The following WWP2 variants were observed in gnomAD, a reference collection of about 807,000 sequenced individuals.
The protein encoded by WWP2 is NEDD4-like E3 ubiquitin-protein ligase WWP2.
In WWP2, 57 loss-of-function variants were observed where a neutral mutation model predicts 121.0. That is an observed-to-expected ratio of 0.47 (90% CI 0.38 to 0.59). The LOEUF (loss-of-function observed/expected upper bound fraction) is 0.59. WWP2 is among the 20% of genes least tolerant of loss of function. The probability of loss-of-function intolerance (pLI) is 0.00; values close to 1 mark genes in which losing one functional copy is unlikely to be tolerated. For missense variants in WWP2, 962 were observed against 1,158.9 expected (o/e 0.83, Z 2.47); for synonymous variants, 449 against 441.3 (o/e 1.02, Z -0.22).
At chr16:69,826,417 A>G (rs2056690914) in intron 4 of WWP2, among the ~76,000 whole-genome samples, 1 of 143,158 alleles carries the variant, frequency 7.0e-6, no homozygotes, top group Non-Finnish European at 1.5e-5. Context: ...AATACACACA[A>G]AAAAATTAGC....
At chr16:69,917,069 C>T (rs2058489405) in intron 9 of WWP2, among the ~76,000 whole-genome samples, 1 of 152,200 alleles carries the variant, frequency 6.6e-6, no homozygotes, top group Admixed American at 6.5e-5. Context: ...CATGTTTACA[C>T]TGGCACCTTA....
chr16:69,874,097 T>C (rs971560038), intron 7 of WWP2, among the ~76,000 whole-genome samples: 1 of 152,202 alleles, frequency 6.6e-6, no homozygotes, highest in East Asian at 1.9e-4. Context: ...GATCCATCTC[T>C]GAAGGGCAGT....
chr16:69,771,149 G>C (rs1462203356), intron 1 of WWP2, among the ~76,000 whole-genome samples: 2 of 152,252 alleles, frequency 1.3e-5, no homozygotes, highest in East Asian at 1.9e-4. Flanking sequence ...TGTTGCTGAG[G>C]TAGGGTGATA....
intron 7 of WWP2, among the ~76,000 whole-genome samples, chr16:69,885,080 C>T (rs1170340584): frequency 1.3e-5 from 2 of 148,738 alleles, no homozygotes; most frequent in Non-Finnish European, 3.0e-5. Context: ...CACACACACA[C>T]CACTCTTTTA....
At chr16:69,821,724 CTTTTTTTTT>C (rs557543615) in intron 4 of WWP2, among the ~76,000 whole-genome samples, 1 of 130,796 alleles carries the variant, frequency 7.6e-6, no homozygotes, top group South Asian at 2.4e-4. Context: ...TTCTTTCTTA[CTTTTTTTTT>C]TTTTTTTTTG....
Position 69,939,888 on chromosome 16 carries a change from G to T in WWP2, c.2561G>T (p.Arg854Ile). 6.2e-7 allele frequency: 1 copy of T among 1,614,020 alleles called. No individual in the cohort carries two copies. Among genetic ancestry groups the T allele is most frequent in the Non-Finnish European group, 8.5e-7 (1 of 1,179,940 alleles). ...LPPYKSYEQL[R>I]EKLLYAIEET... ...CCCTACAAGAGCTACGAACAGCTGA[G>T]AGAGAAGCTGCTGTATGCCATTGAG... Residue 854 changes from arginine to isoleucine, a missense_variant, in exon 24 of 24, where the codon AGA (arginine) becomes ATA (isoleucine). Physicochemically the swap from Arg to Ile is moderately conservative, Grantham distance 97. Coordinates refer to ENST00000359154, the MANE Select transcript of WWP2 (RefSeq NM_001270454.2).
chr16:69,925,207 G>A lies in WWP2; in HGVS notation c.1180-223G>A. The A allele has an allele frequency of 1.4e-6, 2 of 1,383,520 alleles. No homozygotes were observed. The highest frequency in any genetic ancestry group is 2.1e-4 in the Middle Eastern group (1 of 4,774). 85.7% of individuals were successfully genotyped at this position (1,383,520 alleles called of 1,614,324 possible). A position where few individuals can be genotyped will look rare whatever the true frequency, so the allele number is the denominator to read the frequency against. On this transcript the variant is annotated intron_variant, in intron 10 of 23. Transcript: ENST00000359154. This position sits in a 1 kb window ranked among gnomAD's most constrained non-coding sequence, Gnocchi z 4.0. ...TCTGCCTTTTCCAAAACTCACTTGGGCCCTCCGTGCGCAGGGTTCTTTTTT... is the reference window on the plus strand; with the variant it reads ...TCTGCCTTTTCCAAAACTCACTTGGACCCTCCGTGCGCAGGGTTCTTTTTT...
intron 13 of WWP2, 66 bp downstream of exon 13, chr16:69,930,324 C>T: frequency 6.3e-7 from 1 of 1,588,216 alleles, no homozygotes. Context: ...TGTTCTGGCT[C>T]TGGGAGGCCC....
At chr16:69,857,026 T>C (rs1333744415) in intron 6 of WWP2, among the ~76,000 whole-genome samples, 1 of 152,186 alleles carries the variant, frequency 6.6e-6, no homozygotes, top group African/African-American at 2.4e-5. Context: ...ATTCTTGATA[T>C]CTTTAGAGTT....
At chr16:69,765,841 G>A (rs1346750178) in intron 1 of WWP2, among the ~76,000 whole-genome samples, 1 of 152,104 alleles carries the variant, frequency 6.6e-6, no homozygotes, top group Non-Finnish European at 1.5e-5. Context: ...GAGAGATGGG[G>A]AGTTGGGGGC....
intron 5 of WWP2, 33 bp from the exon 6 acceptor site, chr16:69,841,990 CT>C: frequency 6.3e-7 from 1 of 1,595,120 alleles, no homozygotes; most frequent in East Asian, 2.2e-5. Context: ...CTCCTCAATG[CT>C]TCTGTCTTTT....
chr16:69,903,490 C>A lies in WWP2; in HGVS notation c.915-5271C>A, dbSNP rs148789526. On this transcript the variant is annotated intron_variant, in intron 8 of 23. Transcript: ENST00000359154. ...ATTTTTGGAATAAAAGAAAAATGGC[C>A]GGGCGCAGTGGCTCACACCTGCAAT... is the stretch of plus-strand genomic sequence containing the variant. 1.7e-3 allele frequency among the ~76,000 whole-genome samples: 252 copies of A among 152,114 alleles called. 2 individuals carry two copies. Among genetic ancestry groups the A allele is most frequent in the Non-Finnish European group, 1.2e-3 (79 of 67,988 alleles).
At chr16:69,822,279 T>C (rs1023239582) in intron 4 of WWP2, among the ~76,000 whole-genome samples, 1 of 152,154 alleles carries the variant, frequency 6.6e-6, no homozygotes, top group Non-Finnish European at 1.5e-5. Context: ...GAGCCTTGCT[T>C]GTAGCAGGGG....
chr16:69,772,792 C>T (rs1387561888), intron 1 of WWP2, among the ~76,000 whole-genome samples: 1 of 151,976 alleles, frequency 6.6e-6, no homozygotes, highest in Non-Finnish European at 1.5e-5. Flanking sequence ...GTCGAGTCCT[C>T]CCTCCTGCCT....
At chr16:69,909,344 AT>A in intron 9 of WWP2, 2 of 986,262 alleles carry the variant, frequency 2.0e-6, no homozygotes, top group Non-Finnish European at 2.4e-6. Context: ...CCAAGAAAGA[AT>A]CACCTCCCAG....
chr16:69,771,494 G>A (rs1279033482), intron 1 of WWP2, among the ~76,000 whole-genome samples: 3 of 152,114 alleles, frequency 2.0e-5, no homozygotes, highest in Admixed American at 6.5e-5. Context: ...TGATCCACCC[G>A]CCTGGGCCTC....
At chr16:69,793,957 T>TA (rs1457832378) in intron 2 of WWP2, among the ~76,000 whole-genome samples, 1 of 149,144 alleles carries the variant, frequency 6.7e-6, no homozygotes, top group East Asian at 2.0e-4. Context: ...CTTGCTCTGT[T>TA]ACCCAGGCTG....
chr16:69,853,661 A>G (rs1262250971), intron 6 of WWP2, among the ~76,000 whole-genome samples: 1 of 152,168 alleles, frequency 6.6e-6, no homozygotes, highest in Non-Finnish European at 1.5e-5. Context: ...TGTTGCAGGA[A>G]CTGGTGAGGT....
Position 69,902,978 on chromosome 16 carries a change from C to T in WWP2, c.915-5783C>T, listed in dbSNP as rs118042243. ...GCCAGGTCATGGATCAGGGAGGACC[C>T]GCAGGGACATTTAATCTGAGCAGGG... On this transcript the variant is annotated intron_variant, in intron 8 of 23. Transcript: ENST00000359154. 5.3e-4 allele frequency among the ~76,000 whole-genome samples: 81 copies of T among 152,088 alleles called. 1 individual carries two copies. In the East Asian group the frequency reaches 0.014, roughly 26 times the overall value.
Sources: allele counts gnomAD v4.1 joint callset (sites outside exome capture counted in the v4.1 genomes callset), GRCh38; gene constraint gnomAD v4.1.1; non-coding constraint Gnocchi (gnomAD v3.1); transcripts MANE v1.5; gene names NCBI Gene and HGNC (gene_info 2026-07-23, HGNC 2026-07-21).